Variants in PLEKHA8 observed in about 807,000 individuals in gnomAD.
PLEKHA8 encodes pleckstrin homology domain containing A8, also known as pleckstrin homology domain-containing family A member 8.
A neutral mutation model predicts 68.2 loss-of-function variants in PLEKHA8; 36 were observed. That is an observed-to-expected ratio of 0.53 (90% CI 0.40 to 0.70). The LOEUF (loss-of-function observed/expected upper bound fraction) is 0.70, where lower values mean the gene tolerates loss of function less well. Ranked by LOEUF, PLEKHA8 falls within the 30% of genes least tolerant of loss-of-function variation. The pLI is 0.00. For missense variants in PLEKHA8, 505 were observed against 615.4 expected (o/e 0.82, Z 1.90); for synonymous variants, 211 against 216.1 (o/e 0.98, Z 0.20).
At chr7:30,093,088 T>G (rs1795479471), downstream of PLEKHA8, among the ~76,000 whole-genome samples, 1 of 152,214 alleles carries the variant, frequency 6.6e-6, no homozygotes, top group Admixed American at 6.5e-5. Flanking sequence ...GCATAACATA[T>G]GGGCACGTTA....
chr7:30,098,263 C>T (rs1187651190), intron 13 of PLEKHA8, among the ~76,000 whole-genome samples: 1 of 152,246 alleles, frequency 6.6e-6, no homozygotes, highest in Non-Finnish European at 1.5e-5. Context: ...AGTTAGGCTA[C>T]TCGGGGGTCA....
chr7:30,107,585 G>A (rs1306291883), intron 13 of PLEKHA8, among the ~76,000 whole-genome samples: 1 of 151,970 alleles, frequency 6.6e-6, no homozygotes, highest in Non-Finnish European at 1.5e-5. Context: ...ATACAATGCT[G>A]AATAGAAGTG....
chr7:30,037,296 C>CT (rs1011800727), intron 1 of PLEKHA8, among the ~76,000 whole-genome samples: 1 of 151,522 alleles, frequency 6.6e-6, no homozygotes, highest in East Asian at 1.9e-4. Flanking sequence ...TTTAATTTCA[C>CT]TTTTTTTTTC....
chr7:30,040,139 T>G (rs781182463), intron 1 of PLEKHA8, among the ~76,000 whole-genome samples: 9 of 152,228 alleles, frequency 5.9e-5, no homozygotes, highest in Middle Eastern at 3.2e-3. Context: ...TGTGATAGTT[T>G]AGAGCTTTTG....
chr7:30,038,545 C>T (rs968530433), intron 1 of PLEKHA8, among the ~76,000 whole-genome samples: 1 of 152,114 alleles, frequency 6.6e-6, no homozygotes, highest in Non-Finnish European at 1.5e-5. Context: ...AGGAGTAATA[C>T]AAGGGAATTT....
chr7:30,091,095 T>G (rs763479316), downstream of PLEKHA8, among the ~76,000 whole-genome samples: 9 of 152,090 alleles, frequency 5.9e-5, no homozygotes, highest in Admixed American at 1.3e-4. Context: ...GCCCAGGAGT[T>G]CAAGGCTGCA....
At position 30,054,800 on chromosome 7, in the gene PLEKHA8, T is replaced by G. The variant is rs764180450; in HGVS notation, c.888T>G (p.Ser296=). The change falls in exon 8 of 14, where the codon TCT becomes TCG. Residue 296 remains serine, a synonymous_variant. Transcript: ENST00000449726. ...AGTCTGGATCAGACTCAAGTTGCTC[T>G]CCGGAATGCCTCTGGGAGGAAGGCA... ...LTQSGSDSSC[S]PECLWEEGKE... 8 of 1,612,408 alleles carry G rather than the reference T, an allele frequency of 5.0e-6. No homozygotes were observed. Among genetic ancestry groups the G allele is most frequent in the Non-Finnish European group, 6.8e-6 (8 of 1,178,904 alleles).
Position 30,081,771 on chromosome 7 carries a change from G to A in PLEKHA8, c.*2984G>A, listed in dbSNP as rs533479207. On this transcript the variant is annotated 3_prime_UTR_variant, in exon 14 of 14. Transcript: ENST00000449726. The stretch of plus-strand genomic sequence containing the variant: ...TTGTAGACACAAATAAGTAACATTA[G>A]GCTAACCCCTTATGAGACATTTCCA... The A allele has an allele frequency of 2.0e-6, 2 of 985,358 alleles. No individual in the cohort carries two copies. Among genetic ancestry groups the A allele is most frequent in the Admixed American group, 6.1e-5 (1 of 16,272 alleles). 61.0% of individuals were successfully genotyped at this position (985,358 alleles called of 1,614,324 possible).
intron 1 of PLEKHA8, among the ~76,000 whole-genome samples, chr7:30,032,624 T>C (rs1731645187): frequency 1.3e-5 from 2 of 152,374 alleles, no homozygotes; most frequent in Admixed American, 1.3e-4. Flanking sequence ...TTGATCATTA[T>C]GTAATTCTAG....
rs1795033646 is a variant in PLEKHA8, at chr7:30,083,253, A to G, written c.*4466A>G. ...GGATTGTATATAGAATGCTTTCGTT[A>G]GAAGTACATTCTACTTCTGTATGTC... On this transcript the variant is annotated 3_prime_UTR_variant, in exon 14 of 14. Transcript: ENST00000449726. The G allele has an allele frequency of 2.0e-6, 2 of 982,510 alleles. No homozygotes were observed. The highest frequency in any genetic ancestry group is 3.5e-5 in the African/African-American group (2 of 57,156). The allele number at this position is 982,510 out of a possible 1,614,324, so 60.9% of individuals were successfully genotyped here.
intron 13 of PLEKHA8, among the ~76,000 whole-genome samples, chr7:30,109,673 CTT>C (rs543389360): frequency 1.4e-4 from 14 of 102,006 alleles, no homozygotes; most frequent in Admixed American, 2.0e-4. Context: ...TTTTCTTTTT[CTT>C]TTTTTTTTTT....
chr7:30,034,203 T>C (rs1233870800), intron 1 of PLEKHA8, among the ~76,000 whole-genome samples: 1 of 151,746 alleles, frequency 6.6e-6, no homozygotes, highest in African/African-American at 2.4e-5. Flanking sequence ...AGAGATGGGG[T>C]TTCACTATGT....
At chr7:30,109,874 C>T (rs1796212756) in intron 13 of PLEKHA8, among the ~76,000 whole-genome samples, 1 of 151,620 alleles carries the variant, frequency 6.6e-6, no homozygotes. Flanking sequence ...TCTCAATCAC[C>T]CAGGTTGGTC....
chr7:30,127,280 C>G (rs1796788359), intron 13 of PLEKHA8, among the ~76,000 whole-genome samples: 1 of 152,100 alleles, frequency 6.6e-6, no homozygotes, highest in Non-Finnish European at 1.5e-5. Flanking sequence ...TTATAGGATC[C>G]CAGCCTTACA....
At chr7:30,088,540 A>G (rs1466598102), downstream of PLEKHA8, among the ~76,000 whole-genome samples, 1 of 152,160 alleles carries the variant, frequency 6.6e-6, no homozygotes, top group Non-Finnish European at 1.5e-5. Flanking sequence ...AGTCCTTTAA[A>G]ATTGTAATGT....
In PLEKHA8 at chr7:30,078,933, T is replaced by A. The variant is rs1583443581; in HGVS notation, c.*146T>A. The A allele has an allele frequency of 1.4e-6, 2 of 1,429,228 alleles. No individual in the cohort carries two copies. Among genetic ancestry groups the A allele is most frequent in the African/African-American group, 2.9e-5 (2 of 69,670 alleles). 88.5% of individuals were successfully genotyped at this position (1,429,228 alleles called of 1,614,324 possible). On this transcript the variant is annotated 3_prime_UTR_variant, in exon 14 of 14. Transcript: ENST00000449726. ...GAGGTGGCAAAACCCAGTGCTTTTA[T>A]AATTTTTAAAATGCATATGTGTTTT...
At chr7:30,065,771 A>C (rs1490180527) in intron 12 of PLEKHA8, among the ~76,000 whole-genome samples, 1 of 152,222 alleles carries the variant, frequency 6.6e-6, no homozygotes, top group African/African-American at 2.4e-5. Context: ...ATTTTATTTA[A>C]TCTTCCAAAT....
intron 13 of PLEKHA8, among the ~76,000 whole-genome samples, chr7:30,107,235 A>T (rs1796092562): frequency 6.6e-6 from 1 of 152,094 alleles, no homozygotes; most frequent in African/African-American, 2.4e-5. Context: ...AATACAAGGT[A>T]CCTAGGAATA....
intron 3 of PLEKHA8, 116 bp downstream of exon 3, chr7:30,046,481 A>C: frequency 3.5e-6 from 4 of 1,146,702 alleles, no homozygotes; most frequent in South Asian, 1.7e-5. Flanking sequence ...GTGTCATGCA[A>C]ATGCTGTGTA....
Sources: gnomAD v4.1 joint callset for allele counts (sites outside exome capture counted in the v4.1 genomes callset) on GRCh38, gnomAD v4.1.1 for gene constraint, MANE v1.5 for transcripts, NCBI Gene and HGNC (gene_info 2026-07-23, HGNC 2026-07-21) for gene names.